The following ABCA13 variants were observed in gnomAD, a reference collection of about 807,000 sequenced individuals.
ABCA13 encodes the protein ATP-binding cassette sub-family A member 13.
Under a neutral mutation model 478.7 loss-of-function variants are expected in ABCA13, and 476 were observed. That is an observed-to-expected ratio of 0.99 (90% confidence interval 0.92 to 1.07). The LOEUF is 1.07. Among genes scored for constraint, ABCA13 ranks in the 50% least tolerant of loss-of-function variants. The pLI, the probability that ABCA13 is intolerant of heterozygous loss-of-function variation, is 0.00. For synonymous variants in ABCA13, 2,252 were observed against 2,158.9 expected (o/e 1.04, Z -1.20); for missense variants, 6,060 against 5,910.6 (o/e 1.03, Z -0.83).
chr7:48,501,758 T>A (rs772265625), intron 48 of ABCA13, among the ~76,000 whole-genome samples: 1 of 152,222 alleles, frequency 6.6e-6, no homozygotes, highest in Non-Finnish European at 1.5e-5. Flanking sequence ...TCAGCTGCTC[T>A]CTTCTGCTGT....
intron 44 of ABCA13, among the ~76,000 whole-genome samples, chr7:48,469,222 C>A (rs1030708): frequency 0.16 from 24,328 of 152,160 alleles, 2,453 homozygotes; most frequent in East Asian, 0.23. Flanking sequence ...AGCAGTGATA[C>A]AATAAATCAT....
chr7:48,239,062 T>C (rs1343634829), intron 8 of ABCA13, among the ~76,000 whole-genome samples, 179 bp from the exon 9 acceptor site: 1 of 147,302 alleles, frequency 6.8e-6, no homozygotes, highest in African/African-American at 2.5e-5. Context: ...AAAATATAAC[T>C]TTTTTTTTTT....
At chr7:48,196,782 C>T (rs1226106083) in intron 2 of ABCA13, among the ~76,000 whole-genome samples, 1 of 152,080 alleles carries the variant, frequency 6.6e-6, no homozygotes, top group East Asian at 1.9e-4. Flanking sequence ...ACAGAAGTCA[C>T]GTCAAGGAAA....
At chr7:48,379,509 G>C (rs1253610912) in intron 35 of ABCA13, among the ~76,000 whole-genome samples, 3 of 151,942 alleles carry the variant, frequency 2.0e-5, no homozygotes, top group East Asian at 1.9e-4. Flanking sequence ...CTAATTTATA[G>C]TAAGTTCTCG....
intron 28 of ABCA13, among the ~76,000 whole-genome samples, chr7:48,338,065 A>G (rs1276564758): frequency 6.6e-6 from 1 of 152,240 alleles, no homozygotes; most frequent in Non-Finnish European, 1.5e-5. Context: ...GGTTCATTAT[A>G]TAGGTTCGTT....
intron 19 of ABCA13, among the ~76,000 whole-genome samples, chr7:48,281,964 C>T (rs1483331513): frequency 1.3e-5 from 2 of 152,160 alleles, no homozygotes; most frequent in Non-Finnish European, 2.9e-5. Context: ...CTGCAGTAAC[C>T]TGAATTCCCT....
chr7:48,436,694 C>T (rs1822879896), intron 42 of ABCA13, among the ~76,000 whole-genome samples: 1 of 151,676 alleles, frequency 6.6e-6, no homozygotes, highest in Non-Finnish European at 1.5e-5. Flanking sequence ...TTACTGCAAC[C>T]CAGAAATTTT....
At chr7:48,467,301 T>G (rs988938072) in intron 44 of ABCA13, among the ~76,000 whole-genome samples, 2 of 152,198 alleles carry the variant, frequency 1.3e-5, no homozygotes, top group African/African-American at 4.8e-5. Context: ...CAAAATAAAT[T>G]AATAATTAAC....
At chr7:48,291,730 C>T (rs889650361) in intron 20 of ABCA13, among the ~76,000 whole-genome samples, 2 of 152,180 alleles carry the variant, frequency 1.3e-5, no homozygotes, top group African/African-American at 2.4e-5. Flanking sequence ...AACTTTGTTA[C>T]GTAAAAGTCG....
chr7:48,503,766 T>C (rs1830959804), intron 48 of ABCA13, among the ~76,000 whole-genome samples: 1 of 152,240 alleles, frequency 6.6e-6, no homozygotes, highest in South Asian at 2.1e-4. Flanking sequence ...CCTGCAGATA[T>C]CTCTTCAAGA....
intron 13 of ABCA13, 137 bp from the exon 14 acceptor site, chr7:48,248,102 C>G: frequency 1.5e-6 from 1 of 655,724 alleles, no homozygotes; most frequent in Non-Finnish European, 2.5e-6. Flanking sequence ...AGATAATTAC[C>G]ATGCCATAGG....
intron 3 of ABCA13, among the ~76,000 whole-genome samples, chr7:48,200,999 A>T (rs1188018364): frequency 6.7e-6 from 1 of 149,306 alleles, no homozygotes; most frequent in Non-Finnish European, 1.5e-5. Context: ...AGAGAATAAG[A>T]GTTCAAAGGC....
At chr7:48,550,657 A>G (rs538404034) in intron 55 of ABCA13, among the ~76,000 whole-genome samples, 1 of 151,842 alleles carries the variant, frequency 6.6e-6, no homozygotes, top group East Asian at 1.9e-4. Flanking sequence ...CTGGCTGAAT[A>G]ATACTGTGAA....
chr7:48,331,093 A>G (rs987816992), intron 27 of ABCA13, among the ~76,000 whole-genome samples: 6 of 152,254 alleles, frequency 3.9e-5, no homozygotes, highest in African/African-American at 1.4e-4. Context: ...AATAATTGAT[A>G]TAACAAAAAA....
intron 7 of ABCA13, among the ~76,000 whole-genome samples, chr7:48,232,985 A>C (rs1431294990): frequency 1.3e-5 from 2 of 152,224 alleles, no homozygotes; most frequent in African/African-American, 4.8e-5. Flanking sequence ...TCTAGGTCCT[A>C]GTACCTCTTC....
chr7:48,504,781 G>A (rs116581162), intron 48 of ABCA13, among the ~76,000 whole-genome samples: 2,660 of 152,194 alleles, frequency 0.017, 83 homozygotes, highest in African/African-American at 0.06. Context: ...GTCTAATGTC[G>A]CTTGGCTTTT....
chr7:48,318,261 C>T (rs1207014031), intron 27 of ABCA13, among the ~76,000 whole-genome samples: 1 of 152,186 alleles, frequency 6.6e-6, no homozygotes, highest in Admixed American at 6.5e-5. Context: ...TCCCACTTTG[C>T]CACCTACCTC....
intron 37 of ABCA13, among the ~76,000 whole-genome samples, 155 bp downstream of exon 37, chr7:48,389,375 T>C (rs1177984894): frequency 6.6e-6 from 1 of 152,178 alleles, no homozygotes; most frequent in East Asian, 1.9e-4. Context: ...GAGCCCCTCA[T>C]GAGTGCCCGT....
chr7:48,226,254 T>C (rs892710322), intron 5 of ABCA13, among the ~76,000 whole-genome samples: 2 of 152,068 alleles, frequency 1.3e-5, no homozygotes, highest in Non-Finnish European at 2.9e-5. Context: ...TCATTAGATA[T>C]GGAAATTACT....
Sources: allele counts gnomAD v4.1 joint callset (sites outside exome capture counted in the v4.1 genomes callset), GRCh38; gene constraint gnomAD v4.1.1; transcripts MANE v1.5; gene names NCBI Gene and HGNC (gene_info 2026-07-23, HGNC 2026-07-21).